BBX: variants seen among roughly 807,000 people sequenced by gnomAD.
The protein encoded by BBX is HMG box transcription factor BBX.
Under a neutral mutation model 100.2 loss-of-function variants are expected in BBX, and 30 were observed. The observed-to-expected ratio is 0.30, with a 90% CI of 0.22 to 0.41. The LOEUF (loss-of-function observed/expected upper bound fraction) is 0.41. Among genes scored for constraint, BBX ranks in the 10% least tolerant of loss-of-function variants. The pLI is 1.00. For missense variants in BBX, 1,023 were observed against 1,129.8 expected (o/e 0.91, Z 1.35); for synonymous variants, 376 against 388.1 (o/e 0.97, Z 0.37).
chr3:107,646,620 T>C lies in BBX; in HGVS notation c.-10+711T>C, dbSNP rs565216511. ...GAGTTTTCCCAATCTGGGAATCAGA[T>C]GTGGGATTGCTTTACTGGTATCTGA... On this transcript the variant is annotated intron_variant, in intron 3 of 17. Transcript: ENST00000325805. Among the ~76,000 whole-genome samples, 16 of 152,228 alleles carry C rather than the reference T, an allele frequency of 1.1e-4. No individual in the cohort carries two copies. The East Asian group carries it at 1.9e-3, about 18-fold the overall frequency.
chr3:107,759,412 T>C (rs2065727219), intron 10 of BBX, among the ~76,000 whole-genome samples: 1 of 152,214 alleles, frequency 6.6e-6, no homozygotes, highest in African/African-American at 2.4e-5. Flanking sequence ...GCAGGTACTA[T>C]AAGGTATTGT....
At chr3:107,611,954 C>T (rs2054878854) in intron 2 of BBX, among the ~76,000 whole-genome samples, 1 of 151,814 alleles carries the variant, frequency 6.6e-6, no homozygotes, top group Admixed American at 6.6e-5. Context: ...TTTCAGAGAG[C>T]TTGTCTTCAT....
chr3:107,787,072 A>G (rs935878016), intron 13 of BBX, among the ~76,000 whole-genome samples: 5 of 152,234 alleles, frequency 3.3e-5, no homozygotes, highest in African/African-American at 4.8e-5. Context: ...AGGGAAATGC[A>G]TATCAAAACC....
intron 10 of BBX, among the ~76,000 whole-genome samples, chr3:107,771,667 C>T (rs2066917587): frequency 6.6e-6 from 1 of 152,154 alleles, no homozygotes; most frequent in Admixed American, 6.5e-5. Flanking sequence ...CACATCAGAT[C>T]AATTTGCCAG....
intron 12 of BBX, among the ~76,000 whole-genome samples, chr3:107,775,078 T>A (rs776188633): frequency 1.3e-5 from 2 of 152,194 alleles, no homozygotes; most frequent in Non-Finnish European, 2.9e-5. Flanking sequence ...CACATTTTGA[T>A]CATAGTGAAA....
At chr3:107,801,874 C>G (rs2070527545) in intron 17 of BBX, among the ~76,000 whole-genome samples, 1 of 152,184 alleles carries the variant, frequency 6.6e-6, no homozygotes, top group African/African-American at 2.4e-5. Flanking sequence ...TTCTTCAACT[C>G]TTCTGTGATT....
At chr3:107,724,504 T>A (rs2062776414) in intron 5 of BBX, among the ~76,000 whole-genome samples, 1 of 152,192 alleles carries the variant, frequency 6.6e-6, no homozygotes, top group African/African-American at 2.4e-5. Context: ...CTGAATGCTA[T>A]TGCCTAGGTT....
At chr3:107,627,056 G>C (rs2056232753) in intron 2 of BBX, among the ~76,000 whole-genome samples, 1 of 152,150 alleles carries the variant, frequency 6.6e-6, no homozygotes, top group African/African-American at 2.4e-5. Flanking sequence ...TCTGGCCTCA[G>C]AATTCTTACT....
intron 3 of BBX, chr3:107,659,468 A>T (rs9288852): frequency 0.12 from 18,400 of 158,922 alleles, 1,436 homozygotes; most frequent in Middle Eastern, 0.18. Context: ...ACATTTTCTG[A>T]ATTTTGATAA....
At chr3:107,663,173 T>C (rs763821019) in intron 3 of BBX, among the ~76,000 whole-genome samples, 2 of 152,200 alleles carry the variant, frequency 1.3e-5, no homozygotes, top group Non-Finnish European at 2.9e-5. Flanking sequence ...GTCCCTATGG[T>C]CTGCAAGCTG....
In BBX at chr3:107,716,227, T is replaced by C. The variant is rs534122520; in HGVS notation, c.163-380T>C. Among the ~76,000 whole-genome samples, 7 of 152,326 alleles carry C rather than the reference T, an allele frequency of 4.6e-5. No homozygotes were observed. In the South Asian group the frequency reaches 1.4e-3, roughly 32 times the overall value. On this transcript the variant is annotated intron_variant, in intron 4 of 17. Transcript: ENST00000325805. ...CCATAGAATGGGTTTATTCATTCAT[T>C]CCACAATTAATTAAGTACTAATATT...
intron 2 of BBX, among the ~76,000 whole-genome samples, chr3:107,602,034 A>G (rs540610955): frequency 3.3e-5 from 5 of 152,344 alleles, no homozygotes; most frequent in African/African-American, 9.6e-5. Context: ...ACTGTGCTCT[A>G]TCAATGCAAC....
At chr3:107,541,349 A>C (rs975851996) in intron 2 of BBX, among the ~76,000 whole-genome samples, 10 of 152,134 alleles carry the variant, frequency 6.6e-5, no homozygotes, top group African/African-American at 2.2e-4. Flanking sequence ...TTTCAACCTG[A>C]TAAGTTATTA....
chr3:107,620,335 T>A (rs1289708965), intron 2 of BBX, among the ~76,000 whole-genome samples: 1 of 152,252 alleles, frequency 6.6e-6, no homozygotes, highest in Non-Finnish European at 1.5e-5. Context: ...TGATGGCTGC[T>A]ATAAAATCTT....
intron 2 of BBX, among the ~76,000 whole-genome samples, chr3:107,644,210 TTAC>T (rs2057387823): frequency 1.6e-5 from 2 of 126,724 alleles, no homozygotes; most frequent in East Asian, 2.5e-4. Context: ...AAGAACTTAC[TTAC>T]GTATATAGGG....
At chr3:107,803,723 A>G (rs993954002) in intron 17 of BBX, among the ~76,000 whole-genome samples, 1 of 152,112 alleles carries the variant, frequency 6.6e-6, no homozygotes, top group African/African-American at 2.4e-5. Flanking sequence ...CAAGATTTGA[A>G]CTCCTTATCT....
intron 2 of BBX, among the ~76,000 whole-genome samples, chr3:107,601,370 TGA>T (rs951890351): frequency 6.6e-6 from 1 of 152,120 alleles, no homozygotes; most frequent in African/African-American, 2.4e-5. Flanking sequence ...TGTCAAAAGG[TGA>T]GAGAGGTGAA....
chr3:107,786,888 A>G (rs2068485802), intron 13 of BBX, among the ~76,000 whole-genome samples: 2 of 152,136 alleles, frequency 1.3e-5, no homozygotes, highest in East Asian at 1.9e-4. Context: ...TGCAAATCAC[A>G]TATCTGATAA....
At chr3:107,698,895 T>G (rs1292160014) in intron 3 of BBX, among the ~76,000 whole-genome samples, 1 of 151,796 alleles carries the variant, frequency 6.6e-6, no homozygotes, top group Non-Finnish European at 1.5e-5. Flanking sequence ...GAGTAATTGT[T>G]AGGAATGTCT....
Sources: allele counts gnomAD v4.1 joint callset (sites outside exome capture counted in the v4.1 genomes callset), GRCh38; gene constraint gnomAD v4.1.1; transcripts MANE v1.5; gene names NCBI Gene and HGNC (gene_info 2026-07-23, HGNC 2026-07-21).